The following DAP variants were observed in gnomAD, a reference collection of about 807,000 sequenced individuals.
DAP encodes death associated protein.
Under a neutral mutation model 13.8 loss-of-function variants are expected in DAP, and 8 were observed. The observed-to-expected ratio is 0.58, with a 90% CI of 0.34 to 1.05. DAP has a LOEUF of 1.05. Among genes scored for constraint, DAP ranks in the 50% least tolerant of loss-of-function variants. DAP has a pLI of 0.03. For missense variants in DAP, 106 were observed against 133.2 expected (o/e 0.80, Z 1.01); for synonymous variants, 47 against 47.5 (o/e 0.99, Z 0.04).
At chr5:10,699,043 G>A (rs1429441478) in intron 2 of DAP, among the ~76,000 whole-genome samples, 4 of 152,198 alleles carry the variant, frequency 2.6e-5, no homozygotes, top group Non-Finnish European at 5.9e-5. Flanking sequence ...GCAGGTTTGG[G>A]GGGGATCTCA....
At chr5:10,714,245 A>G (rs1383051010) in intron 2 of DAP, among the ~76,000 whole-genome samples, 2 of 152,250 alleles carry the variant, frequency 1.3e-5, no homozygotes, top group African/African-American at 4.8e-5. Flanking sequence ...CTTTATCTCC[A>G]CTGACATCTG....
At position 10,688,815 on chromosome 5, in the gene DAP, A is replaced by C. The variant is rs189590241; in HGVS notation, c.153-5244T>G. ...TGGAACTCCAGGACGCAGAGGCGCCATCCAGCAGTAGGGCGCCAGCCTGGA... is the reference window on the plus strand; with the variant it reads ...TGGAACTCCAGGACGCAGAGGCGCCCTCCAGCAGTAGGGCGCCAGCCTGGA... On this transcript the variant is annotated intron_variant, in intron 2 of 3. Coordinates refer to ENST00000230895, the MANE Select transcript of DAP (RefSeq NM_004394.3). 5.0e-3 allele frequency among the ~76,000 whole-genome samples: 759 copies of C among 152,312 alleles called. 6 individuals are homozygous for C. The highest frequency in any genetic ancestry group is 0.017 in the African/African-American group (716 of 41,572).
intron 2 of DAP, among the ~76,000 whole-genome samples, chr5:10,688,731 G>A (rs1738219856): frequency 6.6e-6 from 1 of 152,194 alleles, no homozygotes; most frequent in Non-Finnish European, 1.5e-5. Flanking sequence ...GGCTAAAGGA[G>A]ATCCCCAGCA....
chr5:10,726,086 A>G (rs1739281395), intron 2 of DAP, among the ~76,000 whole-genome samples: 1 of 152,256 alleles, frequency 6.6e-6, no homozygotes, highest in Non-Finnish European at 1.5e-5. Context: ...CATAAAGTCA[A>G]CAGGACACAT....
rs1184161997 is a variant in DAP, at chr5:10,680,822, C to T, written c.*234G>A. ...TTGGCAAATTCTGCTAATGGCACCT[C>T]TAGGGGCACAATGATCCTCAAATGA... is the stretch of plus-strand genomic sequence containing the variant. On this transcript the variant is annotated 3_prime_UTR_variant, in exon 4 of 4. Coordinates refer to ENST00000230895, the MANE Select transcript of DAP (RefSeq NM_004394.3). 1 of 1,536,884 alleles carries T rather than the reference C, an allele frequency of 6.5e-7. No homozygotes were observed. The highest frequency in any genetic ancestry group is 8.7e-7 in the Non-Finnish European group (1 of 1,147,042).
At chr5:10,691,467 C>T (rs2126639214) in intron 2 of DAP, among the ~76,000 whole-genome samples, 1 of 152,340 alleles carries the variant, frequency 6.6e-6, no homozygotes, top group East Asian at 1.9e-4. Flanking sequence ...AAACCCCAGT[C>T]AAAGGTCTGG....
At chr5:10,708,850 G>A (rs1738770989) in intron 2 of DAP, among the ~76,000 whole-genome samples, 2 of 152,240 alleles carry the variant, frequency 1.3e-5, no homozygotes, top group Admixed American at 6.5e-5. Flanking sequence ...AGCTGTGCCT[G>A]TTGTTGGGTG....
At chr5:10,703,756 T>C (rs1297217361) in intron 2 of DAP, among the ~76,000 whole-genome samples, 2 of 152,214 alleles carry the variant, frequency 1.3e-5, no homozygotes, top group East Asian at 3.8e-4. Context: ...ATTGCTTCTT[T>C]ACACAGCAGC....
chr5:10,715,472 G>A (rs1204282621), intron 2 of DAP, among the ~76,000 whole-genome samples: 1 of 152,134 alleles, frequency 6.6e-6, no homozygotes, highest in African/African-American at 2.4e-5. Context: ...CTGAGCTGCC[G>A]GGGGCTTCCT....
intron 2 of DAP, among the ~76,000 whole-genome samples, chr5:10,686,155 T>C (rs990758255): frequency 2.0e-5 from 3 of 152,230 alleles, no homozygotes; most frequent in African/African-American, 7.2e-5. Flanking sequence ...TATAAGATGG[T>C]AAACTTAATC....
At chr5:10,706,882 G>A (rs1327834273) in intron 2 of DAP, among the ~76,000 whole-genome samples, 3 of 152,288 alleles carry the variant, frequency 2.0e-5, no homozygotes, top group African/African-American at 7.2e-5. Flanking sequence ...GATGCACACG[G>A]CATGCTTCAG....
At chr5:10,735,512 C>T (rs971760881) in intron 2 of DAP, among the ~76,000 whole-genome samples, 1 of 152,214 alleles carries the variant, frequency 6.6e-6, no homozygotes, top group East Asian at 1.9e-4. Context: ...AAATATCTTA[C>T]CATTCATTTT....
chr5:10,684,382 A>G (rs149914594), intron 2 of DAP, among the ~76,000 whole-genome samples: 84 of 152,328 alleles, frequency 5.5e-4, no homozygotes, highest in Non-Finnish European at 1.1e-3. Context: ...GTCCTTGGGA[A>G]ACATGTCACC....
intron 1 of DAP, among the ~76,000 whole-genome samples, chr5:10,759,682 T>C (rs375524819): frequency 6.6e-6 from 1 of 151,876 alleles, no homozygotes; most frequent in South Asian, 2.1e-4. Context: ...CTCCTATTCA[T>C]TGTGCTGGTG....
intron 2 of DAP, among the ~76,000 whole-genome samples, chr5:10,743,633 A>T (rs909658866): frequency 3.3e-5 from 5 of 152,144 alleles, no homozygotes; most frequent in African/African-American, 7.2e-5. Context: ...TCTCTAGTGA[A>T]CCCTGACTCC....
intron 2 of DAP, among the ~76,000 whole-genome samples, chr5:10,686,608 G>C (rs1487781517): frequency 6.6e-6 from 1 of 152,226 alleles, no homozygotes; most frequent in Non-Finnish European, 1.5e-5. Context: ...CTAATCTAGA[G>C]AAAGGCCCTA....
chr5:10,725,816 G>C (rs1739275614), intron 2 of DAP, among the ~76,000 whole-genome samples: 1 of 152,212 alleles, frequency 6.6e-6, no homozygotes, highest in Admixed American at 6.5e-5. Flanking sequence ...TTATTTGTCA[G>C]TTACTTTGGT....
intron 2 of DAP, among the ~76,000 whole-genome samples, chr5:10,730,736 C>G (rs1579810063): frequency 8.4e-6 from 1 of 118,370 alleles, no homozygotes. Flanking sequence ...GTACTGAGAG[C>G]CCTGGTGGGG....
intron 2 of DAP, 133 bp from the exon 3 acceptor site, chr5:10,683,704 G>C (rs1250540747): frequency 3.8e-6 from 3 of 797,926 alleles, no homozygotes; most frequent in African/African-American, 1.7e-5. Flanking sequence ...CCTCTCCTCT[G>C]CGTTATTTGT....
Sources: allele counts gnomAD v4.1 joint callset (sites outside exome capture counted in the v4.1 genomes callset), GRCh38; gene constraint gnomAD v4.1.1; transcripts MANE v1.5; gene names NCBI Gene and HGNC (gene_info 2026-07-23, HGNC 2026-07-21).